ZNF423: variants seen among roughly 807,000 people sequenced by gnomAD.
The protein encoded by ZNF423 is Ebf-associated zinc finger protein.
A neutral mutation model predicts 95.8 loss-of-function variants in ZNF423; 12 were observed. The observed-to-expected ratio is 0.13, with a 90% CI of 0.08 to 0.20. ZNF423 has a LOEUF of 0.20. Ranked by LOEUF, ZNF423 falls within the 10% of genes least tolerant of loss-of-function variation. The probability of loss-of-function intolerance (pLI) is 1.00; values close to 1 mark genes in which losing one functional copy is unlikely to be tolerated. For synonymous variants in ZNF423, 749 were observed against 711.9 expected, an observed-to-expected ratio of 1.05 and a Z score of -0.83; for missense variants, 1,316 against 1,737.1, an observed-to-expected ratio of 0.76 and a Z score of 4.31.
intron 3 of ZNF423, among the ~76,000 whole-genome samples, chr16:49,682,640 G>C (rs2031411233): frequency 6.6e-6 from 1 of 152,194 alleles, no homozygotes; most frequent in Non-Finnish European, 1.5e-5. Context: ...GGAGAGGTTG[G>C]TGGGGATGCT....
chr16:49,747,590 T>C (rs2033552056), intron 2 of ZNF423, among the ~76,000 whole-genome samples: 1 of 151,870 alleles, frequency 6.6e-6, no homozygotes, highest in African/African-American at 2.4e-5. Context: ...GGTGAACGAT[T>C]CCTTAAGCTG....
intron 2 of ZNF423, among the ~76,000 whole-genome samples, chr16:49,731,914 T>C (rs771721804): frequency 2.0e-5 from 3 of 152,232 alleles, no homozygotes; most frequent in Non-Finnish European, 4.4e-5. Context: ...AAACAGCTAC[T>C]GTGCTTAGCA....
Position 49,603,173 on chromosome 16 carries a change from G to T in ZNF423, c.3601+22997C>A, listed in dbSNP as rs994550041. On this transcript the variant is annotated intron_variant, in intron 5 of 7. Transcript: ENST00000563137. This position sits in a 1 kb window ranked among gnomAD's most constrained non-coding sequence, Gnocchi z 4.1. ...TCACTGTCACTATCTGGGGCCTGCT[G>T]CAGTGATCTCTGGCAGGGCCGCCAG... is the stretch of plus-strand genomic sequence containing the variant. Among the ~76,000 whole-genome samples, 1 of 152,182 alleles carries T rather than the reference G, an allele frequency of 6.6e-6. No homozygotes were observed. The highest frequency in any genetic ancestry group is 1.5e-5 in the Non-Finnish European group (1 of 68,020).
intron 5 of ZNF423, among the ~76,000 whole-genome samples, chr16:49,530,222 C>T (rs1968789041): frequency 6.6e-6 from 1 of 152,116 alleles, no homozygotes; most frequent in Admixed American, 6.5e-5. Context: ...AGGACATCTG[C>T]CCTTGCTGAG....
At chr16:49,501,349 C>G (rs757018962) in intron 7 of ZNF423, among the ~76,000 whole-genome samples, 4 of 152,160 alleles carry the variant, frequency 2.6e-5, no homozygotes, top group African/African-American at 4.8e-5. Context: ...GTGTTGCTTC[C>G]GGTTTTGCAA....
rs115805764 is a variant in ZNF423 at position 49,649,336 on chromosome 16, G to A, written c.302-10462C>T. Among the ~76,000 whole-genome samples the A allele has an allele frequency of 6.6e-3, 1,006 of 152,106 alleles. 13 individuals are homozygous for A. The highest frequency in any genetic ancestry group is 0.022 in the African/African-American group (912 of 41,522). On this transcript the variant is annotated intron_variant, in intron 3 of 7. Transcript: ENST00000563137. ...CATCTCTTGATAGAGAGAATCCGACGAACAGGTCTCTAAGAGGCTTTGTAG... is the reference window on the plus strand; with the variant it reads ...CATCTCTTGATAGAGAGAATCCGACAAACAGGTCTCTAAGAGGCTTTGTAG...
At position 49,658,281 on chromosome 16, in the gene ZNF423, G is replaced by A. The variant is rs543112650; in HGVS notation, c.302-19407C>T. ...TCATAGCTGCTGTGTCCCCAGCACC[G>A]TGCCTGGCCAGAGGCAGGCAGGAGA... is the stretch of plus-strand genomic sequence containing the variant. On this transcript the variant is annotated intron_variant, in intron 3 of 7. Transcript: ENST00000563137. 3.3e-4 allele frequency among the ~76,000 whole-genome samples: 50 copies of A among 152,070 alleles called. 1 individual carries two copies. The highest frequency in any genetic ancestry group is 1.2e-4 in the African/African-American group (5 of 41,484).
At chr16:49,662,674 C>T (rs1378043298) in intron 3 of ZNF423, among the ~76,000 whole-genome samples, 3 of 152,064 alleles carry the variant, frequency 2.0e-5, no homozygotes, top group Non-Finnish European at 2.9e-5. Flanking sequence ...AAGTGCAGGG[C>T]AGGAAAAGGG....
In ZNF423 at chr16:49,636,258, C is replaced by G. The variant is rs201163887; in HGVS notation, c.2918G>C (p.Gly973Ala). ...CGTCAGCAGCGAAGGGAAGCGCTCA[C>G]CACAGATGGGACACATGTAGTGCTT... ...PAKHYMCPICGERFPSLLTLT... is the reference protein window; with the variant it reads ...PAKHYMCPICAERFPSLLTLT... The change falls in exon 4 of 8, where the codon GGT becomes GCT. Residue 973 changes from glycine (G) to alanine (A), a missense_variant. Gly to Ala is a moderately conservative substitution (Grantham distance 60). This residue lies in a region of ZNF423 where 620 missense variants were observed against 775.6 expected (regional missense o/e 0.80). Transcript: ENST00000563137. This position sits in a 1 kb window ranked among gnomAD's most constrained non-coding sequence, Gnocchi z 8.6. 16 of 1,613,032 alleles carry G rather than the reference C, an allele frequency of 9.9e-6. No homozygotes were observed. The highest frequency in any genetic ancestry group is 1.0e-5 in the Non-Finnish European group (12 of 1,180,028).
intron 5 of ZNF423, among the ~76,000 whole-genome samples, chr16:49,587,280 C>T (rs1970872669): frequency 6.6e-6 from 1 of 152,168 alleles, no homozygotes; most frequent in Non-Finnish European, 1.5e-5. Flanking sequence ...GTGCTTTAGA[C>T]AAACAAAAGC....
At chr16:49,805,192 C>G (rs1293513521) in intron 1 of ZNF423, among the ~76,000 whole-genome samples, 1 of 152,180 alleles carries the variant, frequency 6.6e-6, no homozygotes, top group African/African-American at 2.4e-5. Context: ...TTGCCCACAA[C>G]CATACTCTCA....
chr16:49,562,938 C>G (rs1391479573), intron 5 of ZNF423, among the ~76,000 whole-genome samples: 1 of 152,148 alleles, frequency 6.6e-6, no homozygotes. Flanking sequence ...AACGAGCCAC[C>G]AAGCCCAGCT....
intron 1 of ZNF423, among the ~76,000 whole-genome samples, chr16:49,827,879 C>T (rs1597046388): frequency 6.6e-6 from 1 of 152,240 alleles, no homozygotes; most frequent in East Asian, 1.9e-4. Context: ...GGATTATAGG[C>T]GTGAGCCACC....
chr16:49,517,417 T>C (rs567670228), intron 7 of ZNF423, among the ~76,000 whole-genome samples: 8 of 152,288 alleles, frequency 5.3e-5, no homozygotes, highest in Admixed American at 1.3e-4. Flanking sequence ...CTGCATTTCT[T>C]CTGCAATCCA....
rs1048941296 is a variant in ZNF423 at position 49,487,902 on chromosome 16, C to T, written c.*3373G>A. On this transcript the variant is annotated 3_prime_UTR_variant, in exon 8 of 8. Coordinates refer to ENST00000563137, the MANE Select transcript of ZNF423 (RefSeq NM_001379286.1). ...CCCTGTGTCTCATACACGGGTCCCT[C>T]CATTAATCCCTGGCAGCTTCTGGCT... is the stretch of plus-strand genomic sequence containing the variant. 2.6e-5 allele frequency: 4 copies of T among 152,272 alleles called. No homozygotes were observed. The highest frequency in any genetic ancestry group is 9.6e-5 in the African/African-American group (4 of 41,462). 9.4% of individuals were successfully genotyped at this position (152,272 alleles called of 1,614,324 possible).
chr16:49,579,825 T>G (rs1282636072), intron 5 of ZNF423, among the ~76,000 whole-genome samples: 1 of 152,168 alleles, frequency 6.6e-6, no homozygotes, highest in Non-Finnish European at 1.5e-5. Flanking sequence ...CAGGGAGGGC[T>G]GGCAGAGGGT....
Position 49,844,575 on chromosome 16 carries a change from C to T in ZNF423, c.40+11160G>A, listed in dbSNP as rs114865714. The stretch of plus-strand genomic sequence containing the variant: ...AACCCAAGTCCTGCAAAGGCCTGTG[C>T]TCCCTCTCAGTTCACCCACTCACTT... On this transcript the variant is annotated intron_variant, in intron 1 of 7. Coordinates refer to ENST00000563137, the MANE Select transcript of ZNF423 (RefSeq NM_001379286.1). Among the ~76,000 whole-genome samples the T allele has an allele frequency of 9.9e-3, 1,510 of 152,346 alleles. 22 individuals carry two copies. The highest frequency in any genetic ancestry group is 0.034 in the African/African-American group (1,420 of 41,584).
chr16:49,547,667 C>T (rs1376648848), intron 5 of ZNF423, among the ~76,000 whole-genome samples: 1 of 152,206 alleles, frequency 6.6e-6, no homozygotes, highest in Non-Finnish European at 1.5e-5. Context: ...GTGGCACGCT[C>T]CTTCCAGCAC....
intron 2 of ZNF423, chr16:49,731,274 T>C: frequency 2.0e-6 from 2 of 981,328 alleles, no homozygotes; most frequent in Non-Finnish European, 2.4e-6. Flanking sequence ...ATTTGTCTCC[T>C]AAAAACCAGA....
Sources: gnomAD v4.1 joint callset for allele counts (sites outside exome capture counted in the v4.1 genomes callset) on GRCh38, gnomAD v4.1.1 for gene constraint, gnomAD v4.1.1 regional missense constraint, Gnocchi (gnomAD v3.1) non-coding constraint, MANE v1.5 for transcripts, NCBI Gene and HGNC (gene_info 2026-07-23, HGNC 2026-07-21) for gene names.